ANKRD45: variants seen among roughly 807,000 people sequenced by gnomAD.
ANKRD45 encodes ankyrin repeat domain-containing protein 45.
ANKRD45 carries 21 observed loss-of-function variants against 28.1 expected under a neutral mutation model. The observed-to-expected ratio is 0.75, with a 90% CI of 0.53 to 1.08. The LOEUF (loss-of-function observed/expected upper bound fraction) is 1.08, where lower values mean the gene tolerates loss of function less well. ANKRD45 is among the 50% of genes least tolerant of loss of function. The pLI, the probability that ANKRD45 is intolerant of heterozygous loss-of-function variation, is 0.00. For missense variants in ANKRD45, 261 were observed against 308.7 expected (o/e 0.85, Z 1.16); for synonymous variants, 86 against 103.9 (o/e 0.83, Z 1.05).
the ANKRD45 span, among the ~76,000 whole-genome samples, chr1:173,703,421 G>C: frequency 6.6e-6 from 1 of 151,906 alleles, no homozygotes; most frequent in Non-Finnish European, 1.5e-5. Flanking sequence ...GGCCAGGCTG[G>C]TCTCGAACTC....
chr1:173,659,039 G>A, intron 2 of ANKRD45, 52 bp downstream of exon 2: 1 of 1,571,072 alleles, frequency 6.4e-7, no homozygotes, highest in Non-Finnish European at 8.6e-7. Context: ...ATATTACATT[G>A]CATCTTTAGG....
At chr1:173,687,981 T>G in the ANKRD45 span, among the ~76,000 whole-genome samples, 1 of 149,126 alleles carries the variant, frequency 6.7e-6, no homozygotes, top group East Asian at 1.9e-4. Context: ...TGGTTAATGT[T>G]GAATCTTTTT....
At chr1:173,615,319 A>G (rs1275302497) in intron 5 of ANKRD45, among the ~76,000 whole-genome samples, 2 of 150,566 alleles carry the variant, frequency 1.3e-5, no homozygotes, top group African/African-American at 4.9e-5. Context: ...AGGGAGTCAG[A>G]AGTTGCAATG....
At chr1:173,711,637 C>T in the ANKRD45 span, among the ~76,000 whole-genome samples, 1 of 152,132 alleles carries the variant, frequency 6.6e-6, no homozygotes, top group Non-Finnish European at 1.5e-5. Flanking sequence ...AGATATTTTC[C>T]TTTCACACAC....
the ANKRD45 span, among the ~76,000 whole-genome samples, chr1:173,676,719 C>G: frequency 1.3e-5 from 2 of 151,400 alleles, no homozygotes; most frequent in South Asian, 4.2e-4. Context: ...AAATTTGTTA[C>G]CTTATGGCAC....
chr1:173,647,483 C>A (rs986428118), intron 2 of ANKRD45, among the ~76,000 whole-genome samples: 20 of 152,122 alleles, frequency 1.3e-4, no homozygotes, highest in Non-Finnish European at 2.5e-4. Context: ...TTTGGAAATT[C>A]TATTAATTAA....
At chr1:173,652,901 T>G (rs1669303799) in intron 2 of ANKRD45, among the ~76,000 whole-genome samples, 3 of 152,250 alleles carry the variant, frequency 2.0e-5, no homozygotes, top group African/African-American at 7.2e-5. Context: ...TTTATAGTAT[T>G]GACTGATGGT....
chr1:173,694,156 A>G, the ANKRD45 span, among the ~76,000 whole-genome samples: 1 of 151,636 alleles, frequency 6.6e-6, no homozygotes, highest in Non-Finnish European at 1.5e-5. Context: ...CTCAATACGT[A>G]GGATTTCAAT....
At chr1:173,667,539 T>C (rs1670076205) in intron 1 of ANKRD45, 2 of 239,398 alleles carry the variant, frequency 8.4e-6, no homozygotes, top group Non-Finnish European at 8.3e-6. Flanking sequence ...CCGTCTCTAC[T>C]AAAAACACAC....
intron 3 of ANKRD45, among the ~76,000 whole-genome samples, chr1:173,641,874 A>G (rs1457607238): frequency 6.6e-6 from 1 of 152,230 alleles, no homozygotes; most frequent in Non-Finnish European, 1.5e-5. Flanking sequence ...AAATAAAAAT[A>G]TAGACTGGAT....
intron 5 of ANKRD45, among the ~76,000 whole-genome samples, chr1:173,615,412 C>G (rs888320298): frequency 1.3e-5 from 2 of 149,900 alleles, no homozygotes; most frequent in African/African-American, 4.9e-5. Flanking sequence ...AAATGCCCCC[C>G]AAGTGTAGTG....
At chr1:173,699,770 A>T in the ANKRD45 span, among the ~76,000 whole-genome samples, 3 of 152,214 alleles carry the variant, frequency 2.0e-5, no homozygotes, top group Admixed American at 2.0e-4. Context: ...TAAGACAGGG[A>T]CGCCCTCTCT....
chr1:173,637,653 G>T (rs745397111), intron 3 of ANKRD45, among the ~76,000 whole-genome samples: 3 of 152,180 alleles, frequency 2.0e-5, no homozygotes, highest in Admixed American at 6.5e-5. Flanking sequence ...AATGGAAACC[G>T]GACACAGCAG....
the ANKRD45 span, among the ~76,000 whole-genome samples, chr1:173,703,088 TAC>T: frequency 3.2e-4 from 48 of 152,104 alleles, no homozygotes; most frequent in Non-Finnish European, 6.2e-4. Flanking sequence ...CAGGCTAGAG[TAC>T]AGTAGCATGA....
chr1:173,679,394 A>C, the ANKRD45 span, among the ~76,000 whole-genome samples: 4 of 152,302 alleles, frequency 2.6e-5, no homozygotes, highest in East Asian at 7.7e-4. Context: ...ATAACACCAC[A>C]CATCTACAAC....
At chr1:173,654,310 A>T (rs1669391442) in intron 2 of ANKRD45, among the ~76,000 whole-genome samples, 1 of 152,130 alleles carries the variant, frequency 6.6e-6, no homozygotes, top group Non-Finnish European at 1.5e-5. Flanking sequence ...AAAATCTCTC[A>T]GCATTTGCTT....
intron 5 of ANKRD45, among the ~76,000 whole-genome samples, chr1:173,619,507 A>T (rs1558118865): frequency 6.6e-6 from 1 of 152,218 alleles, no homozygotes. Flanking sequence ...CTGACAAAAC[A>T]GACTTTAAAC....
the ANKRD45 span, among the ~76,000 whole-genome samples, chr1:173,678,550 G>C: frequency 3.9e-5 from 6 of 152,160 alleles, no homozygotes; most frequent in African/African-American, 4.8e-5. Flanking sequence ...ACTAGGTGTT[G>C]ATGGAAGGTA....
the ANKRD45 span, among the ~76,000 whole-genome samples, chr1:173,684,937 A>G: frequency 2.0e-5 from 3 of 152,342 alleles, no homozygotes; most frequent in East Asian, 5.8e-4. Context: ...TGAATCCTGC[A>G]GCTATTTGAT....
Sources: allele counts gnomAD v4.1 joint callset (sites outside exome capture counted in the v4.1 genomes callset), GRCh38; gene constraint gnomAD v4.1.1; transcripts MANE v1.5; gene names NCBI Gene and HGNC (gene_info 2026-07-23, HGNC 2026-07-21).